ZBED1: variants seen among roughly 807,000 people sequenced by gnomAD.
ZBED1 encodes E3 SUMO-protein ligase ZBED1.
In ZBED1, 19 loss-of-function variants were observed where a neutral mutation model predicts 49.7. The observed-to-expected ratio is 0.38, with a 90% CI of 0.27 to 0.56. The LOEUF is 0.56. Among genes scored for constraint, ZBED1 ranks in the 20% least tolerant of loss-of-function variants. The pLI is 0.70. For missense variants in ZBED1, 806 were observed against 972.6 expected (o/e 0.83, Z 2.28); for synonymous variants, 439 against 440.3 (o/e 1.00, Z 0.04).
chrX:2,495,636 C>G (rs1414121630), intron 1 of ZBED1, among the ~76,000 whole-genome samples: 1 of 152,224 alleles, frequency 6.6e-6, no homozygotes, highest in Non-Finnish European at 1.5e-5. Flanking sequence ...AGCTGACCTT[C>G]TGCAGTGAGT....
chrX:2,498,597 C>T lies in ZBED1; in HGVS notation c.-54+2220G>A, dbSNP rs185588142. The stretch of plus-strand genomic sequence containing the variant: ...CCAGAAGCTCGTCCTCTTTAACAAC[C>T]TTCTGTTGTTGTTTAATCAGTAAAT... On this transcript the variant is annotated intron_variant, in intron 1 of 1. Transcript: ENST00000652001. Among the ~76,000 whole-genome samples the T allele has an allele frequency of 6.5e-3, 961 of 147,046 alleles. 26 individuals are homozygous for T. Among genetic ancestry groups the T allele is most frequent in the Admixed American group, 0.06 (876 of 14,650 alleles).
Position 2,489,868 on chromosome X carries a change from G to T in ZBED1, c.852C>A (p.Val284=). The part of the protein sequence containing the change: ...DIVKACSLLD[V]AVHMPCLGHT... The stretch of plus-strand genomic sequence containing the variant: ...GGCCCAGGCAGGGCATGTGCACTGC[G>T]ACGTCCAGCAGGGAGCACGCCTTCA... Residue 284 remains valine, a synonymous_variant, in exon 2 of 2, where the codon GTC becomes GTA. Coordinates refer to ENST00000652001, the MANE Select transcript of ZBED1 (RefSeq NM_001171136.2). 6.2e-7 allele frequency: 1 copy of T among 1,613,806 alleles called. No individual in the cohort carries two copies. The highest frequency in any genetic ancestry group is 8.5e-7 in the Non-Finnish European group (1 of 1,179,882).
At chrX:2,495,679 G>A (rs1321203880) in intron 1 of ZBED1, among the ~76,000 whole-genome samples, 7 of 150,716 alleles carry the variant, frequency 4.6e-5, no homozygotes, top group South Asian at 2.1e-4. Flanking sequence ...CCCTTGCAGC[G>A]CTTCCGAGCA....
Position 2,488,521 on chromosome X carries a change from C to T in ZBED1, c.*114G>A. On this transcript the variant is annotated 3_prime_UTR_variant, in exon 2 of 2. Coordinates refer to ENST00000652001, the MANE Select transcript of ZBED1 (RefSeq NM_001171136.2). ...TTTCCTTTTTCCACCTTCTAGGTGT[C>T]AAAGACAGTGGATGGTCTCTGAGGT... is the stretch of plus-strand genomic sequence containing the variant. 1 of 1,353,734 alleles carries T rather than the reference C, an allele frequency of 7.4e-7. No homozygotes were observed. Among genetic ancestry groups the T allele is most frequent in the Non-Finnish European group, 9.9e-7 (1 of 1,007,898 alleles). The allele number at this position is 1,353,734 out of a possible 1,614,324, so 83.9% of individuals were successfully genotyped here. A position where few individuals can be genotyped will look rare whatever the true frequency, so the allele number is the denominator to read the frequency against.
In ZBED1 at chrX:2,490,064, C is replaced by A; in HGVS notation, c.656G>T (p.Gly219Val). 6.2e-7 allele frequency: 1 copy of A among 1,613,770 alleles called. No homozygotes were observed. Among genetic ancestry groups the A allele is most frequent in the Non-Finnish European group, 8.5e-7 (1 of 1,179,874 alleles). ...GGACAGGCAGTTGGGGGCGCCCAGG[C>A]CCAGGAAGTGGGCGGCCAGCGTGAC... ...AYVTLAAHFL[G>V]LGAPNCLSMG... Residue 219 changes from glycine (G) to valine (V), a missense_variant, in exon 2 of 2, where the codon GGC (glycine) becomes GTC (valine). Gly to Val is a moderately radical substitution (Grantham distance 109). Coordinates refer to ENST00000652001, the MANE Select transcript of ZBED1 (RefSeq NM_001171136.2).
At chrX:2,490,810 C>G (rs2045116884) in intron 1 of ZBED1, 38 bp from the exon 2 acceptor site, 1 of 1,522,948 alleles carries the variant, frequency 6.6e-7, no homozygotes, top group Non-Finnish European at 8.8e-7. Context: ...TGAGAAGGGA[C>G]CCAGGCACGC....
chrX:2,492,376 G>A (rs1048730347), intron 1 of ZBED1, among the ~76,000 whole-genome samples: 116 of 152,016 alleles, frequency 7.6e-4, no homozygotes, highest in African/African-American at 2.6e-3. Flanking sequence ...AACCCAGAAC[G>A]CCTGGAGCCC....
chrX:2,495,061 ATTG>A (rs1411523908), intron 1 of ZBED1, among the ~76,000 whole-genome samples: 42 of 151,098 alleles, frequency 2.8e-4, no homozygotes, highest in African/African-American at 9.2e-4. Context: ...TATTATTATT[ATTG>A]TTATTATTTG....
intron 1 of ZBED1, among the ~76,000 whole-genome samples, chrX:2,492,597 C>A (rs183077022): frequency 3.0e-4 from 45 of 151,520 alleles, no homozygotes; most frequent in Non-Finnish European, 7.4e-5. Context: ...TTTGAGTGAG[C>A]CCTAAATGCA....
chrX:2,494,541 G>A (rs1487492248), intron 1 of ZBED1, among the ~76,000 whole-genome samples: 10 of 151,736 alleles, frequency 6.6e-5, no homozygotes, highest in Non-Finnish European at 1.0e-4. Flanking sequence ...AAAGAAGTCC[G>A]GGTACCTGGA....
In ZBED1 at chrX:2,489,952, G is replaced by T. The variant is rs141687518; in HGVS notation, c.768C>A (p.Ile256=). The change falls in exon 2 of 2, where the codon ATC becomes ATA. Residue 256 remains isoleucine (I), a synonymous_variant. Coordinates refer to ENST00000652001, the MANE Select transcript of ZBED1 (RefSeq NM_001171136.2). ...AGACCTTGGCGCTGATGCCCCACTC[G>T]ATGAAGACCTCATAGAGCACTCGCG... is the stretch of plus-strand genomic sequence containing the variant. ...TITRVLYEVF[I]EWGISAKVFG... 4.3e-6 allele frequency: 7 copies of T among 1,613,782 alleles called. No individual in the cohort carries two copies. Among genetic ancestry groups the T allele is most frequent in the Non-Finnish European group, 5.9e-6 (7 of 1,179,882 alleles).
At position 2,490,474 on chromosome X, in the gene ZBED1, G is replaced by A. The variant is rs1208743789; in HGVS notation, c.246C>T (p.Asn82=). ...CGAAGGCTTCACGCATCTGCTCCGT[G>A]TTGCTCTTGACGAACTCGCAGAATT... ...PEEFCEFVKS[N]TEQMREAFAT... is the part of the protein sequence containing the mutation. The change falls in exon 2 of 2, where the codon AAC becomes AAT. Residue 82 remains asparagine, a synonymous_variant. Coordinates refer to ENST00000652001, the MANE Select transcript of ZBED1 (RefSeq NM_001171136.2). 2 of 1,614,008 alleles carry A rather than the reference G, an allele frequency of 1.2e-6. No individual in the cohort carries two copies. The highest frequency in any genetic ancestry group is 4.5e-5 in the East Asian group (2 of 44,866).
rs765464014 is a variant in ZBED1, at chrX:2,495,830, A to G, written c.-54+4987T>C. On this transcript the variant is annotated intron_variant, in intron 1 of 1. Coordinates refer to ENST00000652001, the MANE Select transcript of ZBED1 (RefSeq NM_001171136.2). The stretch of plus-strand genomic sequence containing the variant: ...ACGCTCTCAGGGGGCCGGCGATTTC[A>G]CGTTTCCAATTGCACATCCATGAGA... 5.3e-5 allele frequency among the ~76,000 whole-genome samples: 8 copies of G among 152,172 alleles called. No homozygotes were observed. The South Asian group carries it at 1.0e-3, about 20-fold the overall frequency.
At chrX:2,493,823 G>C (rs2045217945) in intron 1 of ZBED1, among the ~76,000 whole-genome samples, 1 of 152,028 alleles carries the variant, frequency 6.6e-6, no homozygotes, top group African/African-American at 2.4e-5. Flanking sequence ...TACAAAATTA[G>C]CCGGGCGTGG....
In ZBED1 at chrX:2,488,308, G is replaced by A. The variant is rs1046252189; in HGVS notation, c.*327C>T. On this transcript the variant is annotated 3_prime_UTR_variant, in exon 2 of 2. Transcript: ENST00000652001. ...TCTCTGGCCTCAGCCTCCAGAAGCT[G>A]GGATTACAGGCACATGCCATCAGTC... 7 of 286,078 alleles carry A rather than the reference G, an allele frequency of 2.4e-5. No individual in the cohort carries two copies. The highest frequency in any genetic ancestry group is 1.5e-4 in the African/African-American group (7 of 45,902). 17.7% of individuals were successfully genotyped at this position (286,078 alleles called of 1,614,324 possible). A position where few individuals can be genotyped will look rare whatever the true frequency, so the allele number is the denominator to read the frequency against.
chrX:2,500,763 A>C (rs2045407464), intron 1 of ZBED1, 54 bp downstream of exon 1: 180 of 451,112 alleles, frequency 4.0e-4, no homozygotes, highest in Non-Finnish European at 4.8e-4. Flanking sequence ...CCCCCGAGCC[A>C]GCCCGCGCCC....
At position 2,489,202 on chromosome X, in the gene ZBED1, G is replaced by C; in HGVS notation, c.1518C>G (p.Asp506Glu). The part of the protein sequence containing the change: ...RVVEEAKGLL[D>E]KVKDGGYRPA... ...GCCGGTAGCCGCCGTCTTTGACCTT[G>C]TCCAGCAGGCCCTTGGCCTCTTCCA... Residue 506 changes from aspartate (D) to glutamate (E), a missense_variant, in exon 2 of 2, where the codon GAC becomes GAG. By Grantham distance (45) the Asp-to-Glu change is conservative (BLOSUM62 2). Around this residue, in one of 2 missense-constraint regions of ZBED1, gnomAD observed 749 missense variants for 861.3 expected, o/e 0.87. Coordinates refer to ENST00000652001, the MANE Select transcript of ZBED1 (RefSeq NM_001171136.2). The C allele has an allele frequency of 1.2e-6, 2 of 1,613,774 alleles. No individual in the cohort carries two copies. Among genetic ancestry groups the C allele is most frequent in the African/African-American group, 1.3e-5 (1 of 75,056 alleles).
intron 1 of ZBED1, among the ~76,000 whole-genome samples, chrX:2,499,602 C>A (rs2045362437): frequency 6.6e-6 from 1 of 151,758 alleles, no homozygotes; most frequent in Non-Finnish European, 1.5e-5. Flanking sequence ...GAGATGCCAT[C>A]TCTACAAAAA....
In ZBED1 at chrX:2,488,201, G is replaced by C. The variant is rs1433608974; in HGVS notation, c.*434C>G. ...CTCTTGTGTCTTCTTTTTTCTTTTTGAGAGAGTCTCGCTCTTGTCGCCCAG... is the reference window on the plus strand; with the variant it reads ...CTCTTGTGTCTTCTTTTTTCTTTTTCAGAGAGTCTCGCTCTTGTCGCCCAG... On this transcript the variant is annotated 3_prime_UTR_variant, in exon 2 of 2. Transcript: ENST00000652001. 2 of 164,196 alleles carry C rather than the reference G, an allele frequency of 1.2e-5. No homozygotes were observed. Among genetic ancestry groups the C allele is most frequent in the Non-Finnish European group, 2.6e-5 (2 of 76,804 alleles). The allele number at this position is 164,196 out of a possible 1,614,324, so 10.2% of individuals were successfully genotyped here. A position where few individuals can be genotyped will look rare whatever the true frequency, so the allele number is the denominator to read the frequency against.
Sources: allele counts gnomAD v4.1 joint callset (sites outside exome capture counted in the v4.1 genomes callset), GRCh38; gene constraint gnomAD v4.1.1; regional missense constraint gnomAD v4.1.1; transcripts MANE v1.5; gene names NCBI Gene and HGNC (gene_info 2026-07-23, HGNC 2026-07-21).